RIMS2: variants seen among roughly 807,000 people sequenced by gnomAD.
The protein encoded by RIMS2 is regulating synaptic membrane exocytosis protein 2.
In RIMS2, 59 loss-of-function variants were observed where a neutral mutation model predicts 174.4. The ratio of observed to expected loss-of-function variants is 0.34; its 90% CI spans 0.27 to 0.42. RIMS2 has a LOEUF of 0.42. Among genes scored for constraint, RIMS2 ranks in the 10% least tolerant of loss-of-function variants. The probability of loss-of-function intolerance (pLI) is 1.00; values close to 1 mark genes in which losing one functional copy is unlikely to be tolerated. For missense variants in RIMS2, 1,620 were observed against 1,666.3 expected (o/e 0.97, Z 0.48); for synonymous variants, 606 against 572.5 (o/e 1.06, Z -0.84).
chr8:103,585,541 A>G (rs1315308599), intron 1 of RIMS2, among the ~76,000 whole-genome samples: 2 of 152,216 alleles, frequency 1.3e-5, no homozygotes, highest in Admixed American at 1.3e-4. Context: ...ACCATAGAAT[A>G]CTATTCAGCC....
At chr8:104,118,998 TCACC>T in intron 19 of RIMS2, among the ~76,000 whole-genome samples, 1 of 152,094 alleles carries the variant, frequency 6.6e-6, no homozygotes, top group East Asian at 1.9e-4. Context: ...ATTTATGGTA[TCACC>T]AGGAATTTTT....
intron 19 of RIMS2, among the ~76,000 whole-genome samples, chr8:104,022,620 A>G (rs1001786677): frequency 1.3e-5 from 2 of 152,012 alleles, no homozygotes; most frequent in Non-Finnish European, 2.9e-5. Flanking sequence ...ACCTCAGGTG[A>G]TCCTCCCGCC....
At chr8:103,798,435 C>T (rs940851252) in intron 3 of RIMS2, among the ~76,000 whole-genome samples, 2 of 152,154 alleles carry the variant, frequency 1.3e-5, no homozygotes, top group Admixed American at 6.5e-5. Context: ...AATAGCATGA[C>T]AGCAAGTTTG....
chr8:103,528,832 T>C (rs910149300), intron 1 of RIMS2, among the ~76,000 whole-genome samples: 4 of 152,206 alleles, frequency 2.6e-5, no homozygotes, highest in Non-Finnish European at 5.9e-5. Context: ...GCCTGATGCC[T>C]CCAGCTTTGT....
At chr8:103,768,512 A>C in intron 3 of RIMS2, 1 of 1,158,582 alleles carries the variant, frequency 8.6e-7, no homozygotes, top group Non-Finnish European at 1.3e-6. Flanking sequence ...CCTGCTAATG[A>C]GTAAGGGGCA....
intron 19 of RIMS2, among the ~76,000 whole-genome samples, chr8:104,179,924 A>G (rs979143704): frequency 2.0e-5 from 3 of 151,850 alleles, no homozygotes; most frequent in African/African-American, 7.2e-5. Flanking sequence ...GCATAATCAT[A>G]CAGACTTTAT....
intron 1 of RIMS2, among the ~76,000 whole-genome samples, chr8:103,503,598 A>C (rs1821718959): frequency 6.6e-6 from 1 of 152,016 alleles, no homozygotes; most frequent in Admixed American, 6.5e-5. Flanking sequence ...AAATAAACTG[A>C]AATTTAAATG....
At chr8:103,593,462 C>T (rs960584674) in intron 1 of RIMS2, among the ~76,000 whole-genome samples, 3 of 151,362 alleles carry the variant, frequency 2.0e-5, no homozygotes, top group South Asian at 2.1e-4. Flanking sequence ...CTTTCTGAAA[C>T]GACTACCTGC....
intron 1 of RIMS2, among the ~76,000 whole-genome samples, chr8:103,553,992 A>G (rs975227453): frequency 6.6e-6 from 1 of 152,156 alleles, no homozygotes; most frequent in Admixed American, 6.5e-5. Flanking sequence ...ATAACTGGGT[A>G]GTGTTTGTGA....
At chr8:103,529,819 G>A (rs905813661) in intron 1 of RIMS2, among the ~76,000 whole-genome samples, 7 of 152,162 alleles carry the variant, frequency 4.6e-5, no homozygotes, top group Non-Finnish European at 5.9e-5. Context: ...TAGATTCTAT[G>A]TAAATAGTTG....
chr8:103,669,852 C>A (rs1322096762), intron 1 of RIMS2, among the ~76,000 whole-genome samples: 1 of 152,234 alleles, frequency 6.6e-6, no homozygotes, highest in Non-Finnish European at 1.5e-5. Context: ...TTTCCAGGTG[C>A]ACAGTGCAAG....
At chr8:104,119,142 T>A (rs1415894971) in intron 19 of RIMS2, among the ~76,000 whole-genome samples, 11 of 146,220 alleles carry the variant, frequency 7.5e-5, no homozygotes, top group African/African-American at 2.8e-4. Flanking sequence ...AGTCAAGAGA[T>A]CAAGACCATC....
chr8:103,982,247 A>G (rs1030508970), intron 16 of RIMS2, among the ~76,000 whole-genome samples: 1 of 152,186 alleles, frequency 6.6e-6, no homozygotes, highest in Non-Finnish European at 1.5e-5. Context: ...GATCAAAGCC[A>G]TAATGAACAG....
rs185122089 is a variant in RIMS2 at position 104,022,093 on chromosome 8, A to G, written c.3334+7478A>G. ...CTCAAAAGACCATATTAGGTTTACAATAGTGATGTTATCTACAGAAGTAAC... is the reference window on the plus strand; with the variant it reads ...CTCAAAAGACCATATTAGGTTTACAGTAGTGATGTTATCTACAGAAGTAAC... On this transcript the variant is annotated intron_variant, in intron 19 of 23. Coordinates refer to ENST00000504942, the Ensembl canonical transcript of RIMS2. Among the ~76,000 whole-genome samples the G allele has an allele frequency of 7.1e-3, 1,083 of 152,118 alleles. 3 individuals are homozygous for G. Among genetic ancestry groups the G allele is most frequent in the Non-Finnish European group, 0.012 (845 of 68,008 alleles).
intron 19 of RIMS2, among the ~76,000 whole-genome samples, chr8:104,103,436 A>G (rs1175024659): frequency 3.9e-5 from 6 of 152,190 alleles, no homozygotes; most frequent in Admixed American, 6.5e-5. Context: ...AAAGTGAGGG[A>G]AGGAGAATCT....
At chr8:103,626,938 C>T (rs1194751399) in intron 1 of RIMS2, among the ~76,000 whole-genome samples, 1 of 152,198 alleles carries the variant, frequency 6.6e-6, no homozygotes, top group Non-Finnish European at 1.5e-5. Context: ...CTATGTCCCG[C>T]TGTGCATGCA....
intron 3 of RIMS2, among the ~76,000 whole-genome samples, chr8:103,792,952 C>T (rs1286038821): frequency 1.3e-5 from 2 of 151,954 alleles, no homozygotes; most frequent in Non-Finnish European, 2.9e-5. Flanking sequence ...AGCCTACCAA[C>T]CAAAAAAAGT....
At chr8:104,037,027 T>C (rs2096532182) in intron 19 of RIMS2, among the ~76,000 whole-genome samples, 1 of 152,204 alleles carries the variant, frequency 6.6e-6, no homozygotes, top group African/African-American at 2.4e-5. Context: ...TTTATGGTTG[T>C]AGACAAAATT....
chr8:103,549,788 A>G (rs1846836706), intron 1 of RIMS2, among the ~76,000 whole-genome samples: 1 of 152,202 alleles, frequency 6.6e-6, no homozygotes, highest in African/African-American at 2.4e-5. Flanking sequence ...CTACCAAGCA[A>G]ATGGAAAACA....
Sources: gnomAD v4.1 joint callset for allele counts (sites outside exome capture counted in the v4.1 genomes callset) on GRCh38, gnomAD v4.1.1 for gene constraint, MANE v1.5 for transcripts, NCBI Gene and HGNC (gene_info 2026-07-23, HGNC 2026-07-21) for gene names.